The following ELAVL4 variants were observed in gnomAD, a reference collection of about 807,000 sequenced individuals.
The protein encoded by ELAVL4 is ELAV-like protein 4.
A neutral mutation model predicts 35.6 loss-of-function variants in ELAVL4; 1 was observed. That is an observed-to-expected ratio of 0.03 (90% CI 0.01 to 0.13). The LOEUF is 0.13. Among genes scored for constraint, ELAVL4 ranks in the 10% least tolerant of loss-of-function variants. ELAVL4 has a pLI of 1.00. For synonymous variants in ELAVL4, 156 were observed against 171.0 expected (o/e 0.91, Z 0.69); for missense variants, 267 against 464.9 (o/e 0.57, Z 3.91).
chr1:50,069,263 A>T (rs1450755759), intron 1 of ELAVL4, among the ~76,000 whole-genome samples: 1 of 152,166 alleles, frequency 6.6e-6, no homozygotes, highest in Non-Finnish European at 1.5e-5. Flanking sequence ...CTTCTGCTTA[A>T]TGAAGCCCTT....
chr1:50,065,871 C>A (rs1664237288), intron 1 of ELAVL4, among the ~76,000 whole-genome samples: 1 of 152,136 alleles, frequency 6.6e-6, no homozygotes, highest in Non-Finnish European at 1.5e-5. Context: ...GCTGGGCTCA[C>A]TGGACTATCT....
At chr1:50,134,032 T>A (rs1232019541) in intron 1 of ELAVL4, among the ~76,000 whole-genome samples, 1 of 152,204 alleles carries the variant, frequency 6.6e-6, no homozygotes, top group Non-Finnish European at 1.5e-5. Flanking sequence ...CCCCTCTTCC[T>A]CACCCTGGTT....
intron 2 of ELAVL4, among the ~76,000 whole-genome samples, chr1:50,153,595 G>T (rs935023406): frequency 6.6e-6 from 1 of 152,142 alleles, no homozygotes; most frequent in Non-Finnish European, 1.5e-5. Flanking sequence ...AAAGAAAAGC[G>T]AGCCTTCAAC....
chr1:50,091,449 G>A (rs1439147776), intron 1 of ELAVL4, among the ~76,000 whole-genome samples: 1 of 152,162 alleles, frequency 6.6e-6, no homozygotes, highest in African/African-American at 2.4e-5. Flanking sequence ...CTCCCATTCT[G>A]TCGATGGTGG....
Sources: allele counts gnomAD v4.1 joint callset (sites outside exome capture counted in the v4.1 genomes callset), GRCh38; gene constraint gnomAD v4.1.1; transcripts MANE v1.5; gene names NCBI Gene and HGNC (gene_info 2026-07-23, HGNC 2026-07-21).